Variants in WBP2 observed in about 807,000 individuals in gnomAD.
WBP2 encodes the protein WW domain-binding protein 2.
A neutral mutation model predicts 33.0 loss-of-function variants in WBP2; 23 were observed. The observed-to-expected ratio is 0.70, with a 90% CI of 0.50 to 0.99. WBP2 has a LOEUF of 0.99. Ranked by LOEUF, WBP2 falls within the 50% of genes least tolerant of loss-of-function variation. The pLI is 0.00. For missense variants in WBP2, 353 were observed against 358.0 expected (o/e 0.99, Z 0.11); for synonymous variants, 153 against 133.5 (o/e 1.15, Z -1.01).
chr17:75,849,374 G>A (rs537267471), intron 3 of WBP2: 14 of 525,438 alleles, frequency 2.7e-5, no homozygotes, highest in African/African-American at 2.3e-4. Flanking sequence ...CAGTCCGCAG[G>A]CTTCTGCAGA....
chr17:75,847,445 A>T, intron 6 of WBP2, 42 bp downstream of exon 6: 1 of 1,574,324 alleles, frequency 6.4e-7, no homozygotes, highest in Non-Finnish European at 8.6e-7. Flanking sequence ...CGGGGAGGAG[A>T]GGGCTGGTCC....
chr17:75,847,784 G>A lies in WBP2; in HGVS notation c.532+12C>T. Reference sequence around the variant, plus strand: ...TCATGAGGGGAGTGGGGGCAGCAAAGGACACACTCACCAGGTGGGGGCGGT... The same window carrying A: ...TCATGAGGGGAGTGGGGGCAGCAAAAGACACACTCACCAGGTGGGGGCGGT... On this transcript the variant is annotated intron_variant, in intron 5 of 7. Coordinates refer to ENST00000254806, the MANE Select transcript of WBP2 (RefSeq NM_012478.4). 1.3e-6 allele frequency: 2 copies of A among 1,553,324 alleles called. No homozygotes were observed. The highest frequency in any genetic ancestry group is 1.7e-6 in the Non-Finnish European group (2 of 1,147,204).
chr17:75,853,647 T>C (rs1265415787), intron 1 of WBP2, among the ~76,000 whole-genome samples: 1 of 152,098 alleles, frequency 6.6e-6, no homozygotes. Flanking sequence ...GTGTCTCTGA[T>C]TACATGATAA....
chr17:75,855,164 AC>A, intron 1 of WBP2, 74 bp downstream of exon 1: 1 of 274,586 alleles, frequency 3.6e-6, no homozygotes. Flanking sequence ...CTTATTCCCC[AC>A]CACCCACCAC....
chr17:75,848,726 C>A, intron 3 of WBP2, 64 bp from the exon 4 acceptor site: 1 of 1,425,430 alleles, frequency 7.0e-7, no homozygotes, highest in Non-Finnish European at 9.7e-7. Context: ...AAAGAGATGG[C>A]TGTTTTCCTC....
chr17:75,855,345 C>T, upstream of WBP2: 1 of 1,599,892 alleles, frequency 6.3e-7, no homozygotes, highest in Non-Finnish European at 8.5e-7. Context: ...TGAGCTTGCG[C>T]CCCTCTTCGC....
chr17:75,848,497 A>T, intron 4 of WBP2, 73 bp downstream of exon 4: 2 of 1,451,258 alleles, frequency 1.4e-6, no homozygotes. Context: ...GCAAAACGAA[A>T]AGGAAGCAAA....
Position 75,846,551 on chromosome 17 carries a change from C to A in WBP2, c.*183G>T. On this transcript the variant is annotated 3_prime_UTR_variant, in exon 8 of 8. Transcript: ENST00000254806. This position sits in a 1 kb window ranked among gnomAD's most constrained non-coding sequence, Gnocchi z 4.8. ...GTGGGCTCCGGGCTGGCATGGGAAG[C>A]TGGGCGGCACCTCTCCCGAGGCCGG... The A allele has an allele frequency of 1.3e-6, 1 of 754,536 alleles. No individual in the cohort carries two copies. Among genetic ancestry groups the A allele is most frequent in the Non-Finnish European group, 2.2e-6 (1 of 450,930 alleles). The allele number at this position is 754,536 out of a possible 1,614,324, so 46.7% of individuals were successfully genotyped here. A position where few individuals can be genotyped will look rare whatever the true frequency, so the allele number is the denominator to read the frequency against.
At chr17:75,849,859 G>A in intron 2 of WBP2, 120 bp from the exon 3 acceptor site, 1 of 1,373,084 alleles carries the variant, frequency 7.3e-7, no homozygotes, top group Non-Finnish European at 9.9e-7. Flanking sequence ...CAGCCCCATG[G>A]CTCTCTCTGT....
chr17:75,851,223 G>A (rs1195896494), intron 2 of WBP2: 1 of 227,252 alleles, frequency 4.4e-6, no homozygotes, highest in African/African-American at 2.2e-5. Flanking sequence ...ATACACACAG[G>A]GCTTCATGGG....
chr17:75,848,941 T>C, intron 3 of WBP2: 1 of 497,444 alleles, frequency 2.0e-6, no homozygotes, highest in Non-Finnish European at 3.7e-6. Context: ...CTTGGCCCAA[T>C]ATGTACACGG....
intron 2 of WBP2, among the ~76,000 whole-genome samples, chr17:75,850,255 T>C (rs1324604268): frequency 2.0e-5 from 3 of 151,782 alleles, no homozygotes; most frequent in Admixed American, 6.6e-5. Flanking sequence ...CTTTTCTTTT[T>C]TTTTTTTTGA....
Position 75,855,303 on chromosome 17 carries a change from C to A in WBP2, c.-6G>T. 6.2e-7 allele frequency: 1 copy of A among 1,612,332 alleles called. No individual in the cohort carries two copies. On this transcript the variant is annotated 5_prime_UTR_variant, in exon 1 of 8. Coordinates refer to ENST00000254806, the MANE Select transcript of WBP2 (RefSeq NM_012478.4). ...TGATTCTTGTTGAGCGCCATAGTCTCTCCAACAGGGGTCCCGAGACTCAAA... is the reference window on the plus strand; with the variant it reads ...TGATTCTTGTTGAGCGCCATAGTCTATCCAACAGGGGTCCCGAGACTCAAA...
In WBP2 at chr17:75,847,523, G is replaced by T; in HGVS notation, c.619C>A (p.Pro207Thr). 1 of 1,593,466 alleles carries T rather than the reference G, an allele frequency of 6.3e-7. No individual in the cohort carries two copies. Reference protein sequence around the residue: ...PPPYPGPMEPPVSGPDVPSTP... With the variant: ...PPPYPGPMEPTVSGPDVPSTP... ...GAGGGGACATCGGGGCCGCTGACCG[G>T]AGGTTCCATGGGCCCAGGGTAGGGC... Residue 207 changes from proline (P) to threonine (T), a missense_variant, in exon 6 of 8, where the codon CCG (proline) becomes ACG (threonine). By Grantham distance (38) the Pro-to-Thr change is conservative. Transcript: ENST00000254806.
chr17:75,848,376 C>T (rs2065008053), intron 4 of WBP2, 194 bp downstream of exon 4: 8 of 611,454 alleles, frequency 1.3e-5, no homozygotes, highest in East Asian at 2.8e-5. Context: ...GGCAGGGAAA[C>T]GCAGTCTCTG....
chr17:75,852,869 C>T (rs1189810640), intron 1 of WBP2: 4 of 909,362 alleles, frequency 4.4e-6, no homozygotes, highest in Non-Finnish European at 2.6e-6. Context: ...CACAATAGGA[C>T]GTCCTTCGGG....
rs934916561 is a variant in WBP2 at position 75,847,023 on chromosome 17, T to C, written c.656-39A>G. 4 of 1,612,386 alleles carry C rather than the reference T, an allele frequency of 2.5e-6. No individual in the cohort carries two copies. The African/African-American group carries it at 5.3e-5, about 22-fold the overall frequency. The stretch of plus-strand genomic sequence containing the variant: ...CACACCTGGTGTCGGTGACAAGTTC[T>C]CCTCCCCCTGAGCTCAGCTAAGAGA... On this transcript the variant is annotated intron_variant, in intron 6 of 7. Coordinates refer to ENST00000254806, the MANE Select transcript of WBP2 (RefSeq NM_012478.4).
Position 75,851,608 on chromosome 17 carries a change from T to G in WBP2, c.128A>C (p.Lys43Thr). The part of the protein sequence containing the change: ...NDMKNVPEAF[K>T]GTKKGTVYLT... The stretch of plus-strand genomic sequence containing the variant: ...GTAGACAGTGCCTTTCTTGGTCCCT[T>G]TGAAGGCTTCTGGCACGTTCTTCAT... Residue 43 changes from lysine (K) to threonine (T), a missense_variant, in exon 2 of 8, where the codon AAA becomes ACA. Transcript: ENST00000254806. 1 of 1,613,832 alleles carries G rather than the reference T, an allele frequency of 6.2e-7. No homozygotes were observed. Among genetic ancestry groups the G allele is most frequent in the African/African-American group, 1.3e-5 (1 of 75,038 alleles).
intron 1 of WBP2, 57 bp from the exon 2 acceptor site, chr17:75,851,733 C>T (rs1599424460): frequency 7.5e-7 from 1 of 1,333,808 alleles, no homozygotes; most frequent in South Asian, 1.2e-5. Flanking sequence ...GCGACGTCAC[C>T]CAGACACTGG....
Sources: gnomAD v4.1 joint callset for allele counts (sites outside exome capture counted in the v4.1 genomes callset) on GRCh38, gnomAD v4.1.1 for gene constraint, Gnocchi (gnomAD v3.1) non-coding constraint, MANE v1.5 for transcripts, NCBI Gene and HGNC (gene_info 2026-07-23, HGNC 2026-07-21) for gene names.